The following NDUFC2 variants were observed in gnomAD, a reference collection of about 807,000 sequenced individuals.
NDUFC2 encodes the protein NADH:ubiquinone oxidoreductase subunit C2.
A neutral mutation model predicts 10.1 loss-of-function variants in NDUFC2; 2 were observed. The observed-to-expected ratio is 0.20, with a 90% CI of 0.08 to 0.62. The LOEUF (loss-of-function observed/expected upper bound fraction) is 0.62. NDUFC2 is among the 20% of genes least tolerant of loss of function. The pLI is 0.87. For missense variants in NDUFC2, 156 were observed against 159.6 expected (o/e 0.98, Z 0.12); for synonymous variants, 61 against 63.6 (o/e 0.96, Z 0.20).
Position 78,073,106 on chromosome 11 carries a change from A to G in NDUFC2, c.202T>C (p.Phe68Leu). ...HRQLLYITAFFFAGYYLVKRE... is the reference protein window; with the variant it reads ...HRQLLYITAFLFAGYYLVKRE... ...TTTACAAGATAATATCCAGCAAAAA[A>G]AAAGGCCGTAATATATAGAAGCTGG... Residue 68 changes from phenylalanine to leucine, a missense_variant, in exon 2 of 3, where the codon TTT (phenylalanine) becomes CTT (leucine). Transcript: ENST00000281031. 6.2e-7 allele frequency: 1 copy of G among 1,613,804 alleles called. No individual in the cohort carries two copies. The highest frequency in any genetic ancestry group is 8.5e-7 in the Non-Finnish European group (1 of 1,179,970).
chr11:78,079,812 T>G lies in NDUFC2; in HGVS notation c.-68A>C. ...CTACAAGGAAAACCACGACGACCAC[T>G]ACCCCGGCCTAAGCGGTCAGCTTTC... is the stretch of plus-strand genomic sequence containing the variant. On this transcript the variant is annotated 5_prime_UTR_variant, in exon 1 of 3. Coordinates refer to ENST00000281031, the MANE Select transcript of NDUFC2 (RefSeq NM_004549.6). 1 of 1,524,746 alleles carries G rather than the reference T, an allele frequency of 6.6e-7. No individual in the cohort carries two copies. Among genetic ancestry groups the G allele is most frequent in the African/African-American group, 1.4e-5 (1 of 70,632 alleles). The allele number at this position is 1,524,746 out of a possible 1,614,324, so 94.5% of individuals were successfully genotyped here.
intron 1 of NDUFC2, among the ~76,000 whole-genome samples, chr11:78,078,727 G>GGTTTTTTTTTTTTTTT (rs1565334734): frequency 5.1e-5 from 1 of 19,748 alleles, no homozygotes; most frequent in Non-Finnish European, 1.1e-4. Flanking sequence ...ATCAGGATCC[G>GGTTTTTTTTTTTTTTT]CTTTTTTTTT....
intron 1 of NDUFC2, among the ~76,000 whole-genome samples, chr11:78,078,279 A>G (rs930455921): frequency 2.0e-5 from 3 of 152,220 alleles, no homozygotes; most frequent in African/African-American, 7.2e-5. Context: ...AAAAGCTTAC[A>G]AAGTTCCTGA....
In NDUFC2 at chr11:78,079,803, G is replaced by T; in HGVS notation, c.-59C>A. ...GACCACGAACTACAAGGAAAACCACGACGACCACTACCCCGGCCTAAGCGG... is the reference window on the plus strand; with the variant it reads ...GACCACGAACTACAAGGAAAACCACTACGACCACTACCCCGGCCTAAGCGG... On this transcript the variant is annotated 5_prime_UTR_variant, in exon 1 of 3. Transcript: ENST00000281031. 6.5e-7 allele frequency: 1 copy of T among 1,546,126 alleles called. No homozygotes were observed. Among genetic ancestry groups the T allele is most frequent in the Admixed American group, 2.3e-5 (1 of 44,042 alleles).
chr11:78,075,187 ACT>A (rs1478314438), intron 1 of NDUFC2, among the ~76,000 whole-genome samples: 1 of 152,174 alleles, frequency 6.6e-6, no homozygotes, highest in Non-Finnish European at 1.5e-5. Context: ...ATACCAACTA[ACT>A]CTAAATTTCG....
intron 2 of NDUFC2, among the ~76,000 whole-genome samples, chr11:78,071,423 AT>A (rs1238060001): frequency 6.6e-6 from 1 of 152,046 alleles, no homozygotes; most frequent in Non-Finnish European, 1.5e-5. Flanking sequence ...CACCCAGCTA[AT>A]TTTTTAATTT....
intron 1 of NDUFC2, among the ~76,000 whole-genome samples, chr11:78,073,545 G>T (rs1791102587): frequency 1.3e-5 from 2 of 149,202 alleles, no homozygotes; most frequent in Non-Finnish European, 3.0e-5. Flanking sequence ...AGTGGCTCAC[G>T]CCTGTAATAC....
chr11:78,079,281 G>T (rs1192034818), intron 1 of NDUFC2, among the ~76,000 whole-genome samples: 1 of 152,174 alleles, frequency 6.6e-6, no homozygotes, highest in Non-Finnish European at 1.5e-5. Flanking sequence ...GCATGGCATG[G>T]AGTCATGGCT....
chr11:78,076,144 CTT>C (rs5792793), intron 1 of NDUFC2, among the ~76,000 whole-genome samples: 328 of 146,176 alleles, frequency 2.2e-3, no homozygotes, highest in Admixed American at 2.5e-3. Flanking sequence ...CTCAATACTA[CTT>C]TTTTTTTTTT....
intron 2 of NDUFC2, among the ~76,000 whole-genome samples, chr11:78,071,315 T>C (rs1858998609): frequency 6.8e-6 from 1 of 146,312 alleles, no homozygotes; most frequent in Non-Finnish European, 1.5e-5. Flanking sequence ...TGGAATGCAG[T>C]GGTGTGATCA....
chr11:78,072,812 G>T, intron 2 of NDUFC2, 186 bp downstream of exon 2: 1 of 805,606 alleles, frequency 1.2e-6, no homozygotes, highest in Non-Finnish European at 1.9e-6. Flanking sequence ...AGTTTTGTTT[G>T]CTGTCCAAAG....
intron 1 of NDUFC2, among the ~76,000 whole-genome samples, chr11:78,076,020 G>A (rs1859233765): frequency 6.6e-6 from 1 of 152,108 alleles, no homozygotes; most frequent in Non-Finnish European, 1.5e-5. Context: ...CACTCTATAT[G>A]CACAATCTTG....
intron 1 of NDUFC2, among the ~76,000 whole-genome samples, chr11:78,074,781 C>A (rs1346924248): frequency 6.6e-6 from 1 of 152,246 alleles, no homozygotes; most frequent in Non-Finnish European, 1.5e-5. Context: ...CAAACAGCCA[C>A]TGCTTTCCAT....
chr11:78,073,952 G>T (rs1859134489), intron 1 of NDUFC2, among the ~76,000 whole-genome samples: 1 of 151,488 alleles, frequency 6.6e-6, no homozygotes, highest in Non-Finnish European at 1.5e-5. Flanking sequence ...GCTCACTGCA[G>T]CCTCAACCTC....
At chr11:78,075,735 C>G (rs751147558) in intron 1 of NDUFC2, among the ~76,000 whole-genome samples, 1 of 152,162 alleles carries the variant, frequency 6.6e-6, no homozygotes, top group Admixed American at 6.6e-5. Flanking sequence ...CAGGTGCATG[C>G]CACCACGTCC....
chr11:78,074,022 C>T (rs993467822), intron 1 of NDUFC2, among the ~76,000 whole-genome samples: 1 of 149,998 alleles, frequency 6.7e-6, no homozygotes, highest in Non-Finnish European at 1.5e-5. Flanking sequence ...AAAGCGTGCA[C>T]CACCATGCCT....
At position 78,069,700 on chromosome 11, in the gene NDUFC2, A is replaced by G; in HGVS notation, c.*287T>C. Reference sequence around the variant, plus strand: ...AAACAAATGAGCATGGCTGTGTTCCAATGAGACTTTATTGGCAGTGGGCCA... The same window carrying G: ...AAACAAATGAGCATGGCTGTGTTCCGATGAGACTTTATTGGCAGTGGGCCA... On this transcript the variant is annotated 3_prime_UTR_variant, in exon 3 of 3. Coordinates refer to ENST00000281031, the MANE Select transcript of NDUFC2 (RefSeq NM_004549.6). 1 of 621,078 alleles carries G rather than the reference A, an allele frequency of 1.6e-6. No homozygotes were observed. 38.5% of individuals were successfully genotyped at this position (621,078 alleles called of 1,614,324 possible).
rs1379516272 is a variant in NDUFC2 at position 78,070,125 on chromosome 11, TATG to T, written c.311-92_311-90del. 3 of 936,200 alleles carry T rather than the reference TATG, an allele frequency of 3.2e-6. No homozygotes were observed. The African/African-American group carries it at 5.0e-5, about 16-fold the overall frequency. The allele number at this position is 936,200 out of a possible 1,614,324, so 58.0% of individuals were successfully genotyped here. A position where few individuals can be genotyped will look rare whatever the true frequency, so the allele number is the denominator to read the frequency against. On this transcript the variant is annotated intron_variant, in intron 2 of 2. Transcript: ENST00000281031. ...AACGAAAATTAACACTCACTAATCT[TATG>T]ATTGAAATCCTGCTGTGGTCTGAAT...
chr11:78,076,452 C>T (rs1394566625), intron 1 of NDUFC2, among the ~76,000 whole-genome samples: 1 of 152,164 alleles, frequency 6.6e-6, no homozygotes, highest in Non-Finnish European at 1.5e-5. Context: ...TCACTCAATA[C>T]TTACTGAACA....
Sources: gnomAD v4.1 joint callset for allele counts (sites outside exome capture counted in the v4.1 genomes callset) on GRCh38, gnomAD v4.1.1 for gene constraint, MANE v1.5 for transcripts, NCBI Gene and HGNC (gene_info 2026-07-23, HGNC 2026-07-21) for gene names.